Variants in TAFA4 observed in about 807,000 individuals in gnomAD.
TAFA4 encodes the protein TAFA chemokine like family member 4.
TAFA4 carries 20 observed loss-of-function variants against 21.1 expected under a neutral mutation model. That is an observed-to-expected ratio of 0.95 (90% CI 0.67 to 1.38). TAFA4 has a LOEUF of 1.38. Among genes scored for constraint, TAFA4 ranks in the 40% most tolerant of loss-of-function variants. TAFA4 has a pLI of 0.00. For missense variants in TAFA4, 211 were observed against 180.9 expected (o/e 1.17, Z -0.95); for synonymous variants, 71 against 67.4 (o/e 1.05, Z -0.26).
chr3:68,794,946 C>T lies in TAFA4; in HGVS notation c.131-41928G>A, dbSNP rs181579724. 2.0e-5 allele frequency among the ~76,000 whole-genome samples: 3 copies of T among 150,912 alleles called. No individual in the cohort carries two copies. In the East Asian group the frequency reaches 5.8e-4, roughly 29 times the overall value. ...GATATAGATGAAAAAACATATCCTA[C>T]CAAGTGTTAGAAAGCCTAAACTAAG... On this transcript the variant is annotated intron_variant, in intron 3 of 5. Transcript: ENST00000295569.
rs146224411 is a variant in TAFA4 at position 68,769,211 on chromosome 3, G to A, written c.131-16193C>T. Among the ~76,000 whole-genome samples, 1,202 of 152,188 alleles carry A rather than the reference G, an allele frequency of 7.9e-3. 2 individuals carry two copies. Among genetic ancestry groups the A allele is most frequent in the Non-Finnish European group, 0.012 (793 of 68,008 alleles). ...CACATGGGAGGGATCTAGGTTGCAC[G>A]CTCCTTATGAGAATCTAATGCCTGA... On this transcript the variant is annotated intron_variant, in intron 3 of 5. Transcript: ENST00000295569.
chr3:68,808,084 T>C (rs1358012976), intron 3 of TAFA4, among the ~76,000 whole-genome samples: 1 of 152,026 alleles, frequency 6.6e-6, no homozygotes, highest in African/African-American at 2.4e-5. Flanking sequence ...AAAATGTTTA[T>C]TAGAAAAAAA....
intron 3 of TAFA4, among the ~76,000 whole-genome samples, chr3:68,849,308 C>T (rs1442786011): frequency 1.3e-5 from 2 of 152,158 alleles, no homozygotes; most frequent in Non-Finnish European, 2.9e-5. Context: ...TGAATGGGCT[C>T]TGTGAAAGTT....
chr3:68,880,674 G>C, intron 3 of TAFA4, 56 bp downstream of exon 3: 1 of 1,438,778 alleles, frequency 7.0e-7, no homozygotes, highest in South Asian at 1.2e-5. Context: ...TGTGGACTCT[G>C]ACATTTGGAG....
chr3:68,732,794 A>G lies in TAFA4; in HGVS notation c.*348T>C, dbSNP rs1397997165. ...GAGGACCCTTTGGAACATACATCCA[A>G]GTTCTTTTGTAAAAGCAGAAAGAAA... On this transcript the variant is annotated 3_prime_UTR_variant, in exon 6 of 6. Coordinates refer to ENST00000295569, the MANE Select transcript of TAFA4 (RefSeq NM_182522.5). 3.8e-6 allele frequency: 1 copy of G among 261,166 alleles called. No individual in the cohort carries two copies. Among genetic ancestry groups the G allele is most frequent in the South Asian group, 1.3e-4 (1 of 7,712 alleles). The allele number at this position is 261,166 out of a possible 1,614,324, so 16.2% of individuals were successfully genotyped here. A position where few individuals can be genotyped will look rare whatever the true frequency, so the allele number is the denominator to read the frequency against.
chr3:68,800,648 T>G (rs1312305275), intron 3 of TAFA4, among the ~76,000 whole-genome samples: 1 of 152,164 alleles, frequency 6.6e-6, no homozygotes, highest in South Asian at 2.1e-4. Flanking sequence ...ACTCCCCAAC[T>G]GGTCTGCTCC....
chr3:68,901,636 T>C (rs2089844653), intron 1 of TAFA4, among the ~76,000 whole-genome samples: 1 of 152,236 alleles, frequency 6.6e-6, no homozygotes, highest in Non-Finnish European at 1.5e-5. Flanking sequence ...TATGGTAATA[T>C]TGTCATATTG....
intron 3 of TAFA4, among the ~76,000 whole-genome samples, chr3:68,872,590 G>T (rs1189088177): frequency 6.6e-6 from 1 of 152,046 alleles, no homozygotes; most frequent in Non-Finnish European, 1.5e-5. Flanking sequence ...TGAATGTTTG[G>T]GGTGATCGAT....
chr3:68,753,413 G>T (rs1414189917), intron 3 of TAFA4, among the ~76,000 whole-genome samples: 1 of 139,558 alleles, frequency 7.2e-6, no homozygotes, highest in African/African-American at 2.7e-5. Flanking sequence ...TCAGCTCATT[G>T]CAACCTCTAC....
At chr3:68,843,989 G>A (rs1049959340) in intron 3 of TAFA4, among the ~76,000 whole-genome samples, 2 of 152,058 alleles carry the variant, frequency 1.3e-5, no homozygotes, top group Non-Finnish European at 2.9e-5. Context: ...TTTTTTTGTT[G>A]TGTCTCTGCC....
intron 5 of TAFA4, among the ~76,000 whole-genome samples, chr3:68,733,548 T>G (rs1311400515): frequency 1.3e-5 from 2 of 152,222 alleles, no homozygotes; most frequent in East Asian, 3.8e-4. Context: ...TTTTTTATGT[T>G]ATTTTTTATG....
At chr3:68,852,213 A>G (rs1218746603) in intron 3 of TAFA4, among the ~76,000 whole-genome samples, 1 of 151,918 alleles carries the variant, frequency 6.6e-6, no homozygotes. Flanking sequence ...GAGAGAGAGG[A>G]CTCTTTTGTG....
chr3:68,842,773 T>G (rs1704693530), intron 3 of TAFA4, among the ~76,000 whole-genome samples: 1 of 152,236 alleles, frequency 6.6e-6, no homozygotes, highest in Non-Finnish European at 1.5e-5. Flanking sequence ...GCTAGCCAGT[T>G]CTCCCAACAC....
intron 1 of TAFA4, among the ~76,000 whole-genome samples, chr3:68,913,450 G>T (rs1006445492): frequency 6.6e-6 from 1 of 152,162 alleles, no homozygotes; most frequent in Non-Finnish European, 1.5e-5. Context: ...AGAAAGGAGG[G>T]CATGGAGGAG....
chr3:68,811,823 A>G (rs1024030726), intron 3 of TAFA4, among the ~76,000 whole-genome samples: 1 of 152,186 alleles, frequency 6.6e-6, no homozygotes, highest in Admixed American at 6.5e-5. Flanking sequence ...AATACAGAGA[A>G]CACCACAAAG....
At chr3:68,756,750 A>T in intron 3 of TAFA4, among the ~76,000 whole-genome samples, 1 of 152,238 alleles carries the variant, frequency 6.6e-6, no homozygotes, top group South Asian at 2.1e-4. Context: ...AAGCATGAAT[A>T]TGGAGAAGTG....
intron 1 of TAFA4, among the ~76,000 whole-genome samples, chr3:68,899,065 C>A (rs2089819686): frequency 6.6e-6 from 1 of 152,214 alleles, no homozygotes. Flanking sequence ...GTCTTCCCAA[C>A]ACTGGCCATA....
chr3:68,838,653 T>C (rs1466586364), intron 3 of TAFA4, among the ~76,000 whole-genome samples: 2 of 152,230 alleles, frequency 1.3e-5, no homozygotes, highest in Non-Finnish European at 2.9e-5. Context: ...TCAGGTTTTT[T>C]ACCCCTTTGT....
At chr3:68,800,426 A>C (rs1703552616) in intron 3 of TAFA4, among the ~76,000 whole-genome samples, 1 of 152,224 alleles carries the variant, frequency 6.6e-6, no homozygotes, top group African/African-American at 2.4e-5. Flanking sequence ...AACCCCAGTG[A>C]GCACAACAAC....
Sources: gnomAD v4.1 joint callset for allele counts (sites outside exome capture counted in the v4.1 genomes callset) on GRCh38, gnomAD v4.1.1 for gene constraint, MANE v1.5 for transcripts, NCBI Gene and HGNC (gene_info 2026-07-23, HGNC 2026-07-21) for gene names.